ITK: variants seen among roughly 807,000 people sequenced by gnomAD.
The protein encoded by ITK is tyrosine-protein kinase ITK/TSK.
Under a neutral mutation model 87.6 loss-of-function variants are expected in ITK, and 45 were observed. The ratio of observed to expected loss-of-function variants is 0.51; its 90% CI spans 0.40 to 0.66. The LOEUF is 0.66. Among genes scored for constraint, ITK ranks in the 30% least tolerant of loss-of-function variants. The pLI, the probability that ITK is intolerant of heterozygous loss-of-function variation, is 0.00. For synonymous variants in ITK, 303 were observed against 273.6 expected (o/e 1.11, Z -1.06); for missense variants, 605 against 766.3 (o/e 0.79, Z 2.48).
intron 1 of ITK, among the ~76,000 whole-genome samples, chr5:157,182,312 C>A (rs1753549960): frequency 6.6e-6 from 1 of 151,986 alleles, no homozygotes; most frequent in Admixed American, 6.6e-5. Context: ...TTTGGTGTGC[C>A]AGGGTTTAAA....
At chr5:157,250,084 G>C (rs1245703292) in intron 16 of ITK, among the ~76,000 whole-genome samples, 1 of 152,138 alleles carries the variant, frequency 6.6e-6, no homozygotes, top group East Asian at 1.9e-4. Flanking sequence ...ATTAACTAAA[G>C]TTCATAGTTT....
Position 157,253,998 on chromosome 5 carries a change from T to C in ITK, c.*1320T>C, listed in dbSNP as rs1580915072. ...TTTACAAATAATGTAACTGAGGCTT[T>C]AAAAAGCCAAGACATCTGCCCAAAG... On this transcript the variant is annotated 3_prime_UTR_variant, in exon 17 of 17. Transcript: ENST00000422843. 4.4e-6 allele frequency: 1 copy of C among 225,010 alleles called. No individual in the cohort carries two copies. Among genetic ancestry groups the C allele is most frequent in the East Asian group, 6.4e-5 (1 of 15,596 alleles). The allele number at this position is 225,010 out of a possible 1,614,324, so 13.9% of individuals were successfully genotyped here.
intron 7 of ITK, among the ~76,000 whole-genome samples, chr5:157,231,065 G>A (rs1405558170): frequency 7.9e-5 from 12 of 152,154 alleles, no homozygotes; most frequent in African/African-American, 2.2e-4. Flanking sequence ...TCTAGTTTCA[G>A]GTGAGATCTG....
At position 157,211,304 on chromosome 5, in the gene ITK, C is replaced by T. The variant is rs1291733060; in HGVS notation, c.261C>T (p.Tyr87=). Residue 87 remains tyrosine, a synonymous_variant, in exon 3 of 17, where the codon TAC becomes TAT. Coordinates refer to ENST00000422843, the MANE Select transcript of ITK (RefSeq NM_005546.4). ...KYPFQVVHDN[Y]LLYVFAPDRE... is the part of the protein sequence containing the mutation. ...GTCTCCAGGTGGTGCATGACAACTA[C>T]CTCCTATATGTGTTTGCTCCAGATC... 6.2e-7 allele frequency: 1 copy of T among 1,614,056 alleles called. No homozygotes were observed. Among genetic ancestry groups the T allele is most frequent in the Admixed American group, 1.7e-5 (1 of 60,028 alleles).
At chr5:157,244,803 G>T in intron 13 of ITK, 1 of 371,148 alleles carries the variant, frequency 2.7e-6, no homozygotes. Context: ...TTTGTCTGAA[G>T]GTATTATTCA....
At chr5:157,230,906 T>C (rs150969668) in intron 7 of ITK, among the ~76,000 whole-genome samples, 224 of 152,390 alleles carry the variant, frequency 1.5e-3, no homozygotes, top group African/African-American at 5.2e-3. Flanking sequence ...AATCTAGTTA[T>C]ACTGTGCACT....
At chr5:157,236,624 G>GAATCATAATA (rs1279059179) in intron 8 of ITK, among the ~76,000 whole-genome samples, 1 of 152,192 alleles carries the variant, frequency 6.6e-6, no homozygotes, top group African/African-American at 2.4e-5. Context: ...TAAGTTAAGT[G>GAATCATAATA]AATCATAATA....
At chr5:157,235,292 T>C (rs1027600208) in intron 8 of ITK, among the ~76,000 whole-genome samples, 7 of 152,204 alleles carry the variant, frequency 4.6e-5, no homozygotes, top group African/African-American at 1.4e-4. Flanking sequence ...GGGACTTACC[T>C]ACATTTGGGA....
intron 1 of ITK, among the ~76,000 whole-genome samples, chr5:157,203,868 A>AT (rs1467357030): frequency 2.6e-5 from 4 of 152,220 alleles, no homozygotes; most frequent in African/African-American, 9.6e-5. Flanking sequence ...ATTTTCCTTT[A>AT]TATATACCCT....
At chr5:157,186,983 A>G (rs1346035615) in intron 1 of ITK, among the ~76,000 whole-genome samples, 1 of 152,204 alleles carries the variant, frequency 6.6e-6, no homozygotes, top group Non-Finnish European at 1.5e-5. Context: ...AACGATGGAC[A>G]CCAGCAGAAT....
At position 157,247,497 on chromosome 5, in the gene ITK, T is replaced by G. The variant is rs193229629; in HGVS notation, c.1634-1353T>G. 3.2e-4 allele frequency among the ~76,000 whole-genome samples: 49 copies of G among 152,308 alleles called. 1 individual carries two copies. The highest frequency in any genetic ancestry group is 1.2e-3 in the African/African-American group (49 of 41,562). On this transcript the variant is annotated intron_variant, in intron 15 of 16. Coordinates refer to ENST00000422843, the MANE Select transcript of ITK (RefSeq NM_005546.4). ...TGAGACATTTGGAGCAATGGCCACTTTAGCACATTCACCTTCTGACTCTGA... is the reference window on the plus strand; with the variant it reads ...TGAGACATTTGGAGCAATGGCCACTGTAGCACATTCACCTTCTGACTCTGA...
At chr5:157,192,733 T>C (rs1753776678) in intron 1 of ITK, among the ~76,000 whole-genome samples, 1 of 152,228 alleles carries the variant, frequency 6.6e-6, no homozygotes, top group Admixed American at 6.5e-5. Flanking sequence ...CCCAGAACCC[T>C]ATGCCCCTTG....
At chr5:157,194,894 C>G (rs9313491) in intron 1 of ITK, among the ~76,000 whole-genome samples, 55,124 of 151,992 alleles carry the variant, frequency 0.36, 10,202 homozygotes, top group East Asian at 0.4. Context: ...GAAACTGAAG[C>G]CTGGGAGCAC....
intron 13 of ITK, chr5:157,244,774 GT>G (rs1394159271): frequency 2.5e-6 from 1 of 395,808 alleles, no homozygotes; most frequent in Non-Finnish European, 4.8e-6. Flanking sequence ...TTTCCTCCTG[GT>G]AAATTGAGGA....
chr5:157,217,543 C>T (rs1754323601), intron 4 of ITK, among the ~76,000 whole-genome samples: 1 of 152,118 alleles, frequency 6.6e-6, no homozygotes. Context: ...AGTCTCTATG[C>T]CTACAGGGAA....
At chr5:157,211,891 G>A (rs1754198360) in intron 3 of ITK, among the ~76,000 whole-genome samples, 1 of 152,190 alleles carries the variant, frequency 6.6e-6, no homozygotes, top group African/African-American at 2.4e-5. Context: ...CCTGCCTTTG[G>A]AGCTGATGTG....
At chr5:157,192,003 G>A (rs35813759) in intron 1 of ITK, among the ~76,000 whole-genome samples, 35 of 152,242 alleles carry the variant, frequency 2.3e-4, no homozygotes, top group Admixed American at 1.7e-3. Flanking sequence ...CACCAAAAGC[G>A]GCACCATGTT....
At chr5:157,243,885 T>C in intron 12 of ITK, 91 bp downstream of exon 12, 1 of 1,209,872 alleles carries the variant, frequency 8.3e-7, no homozygotes, top group Non-Finnish European at 1.2e-6. Context: ...GGGGGTACTA[T>C]CTCCCTGCGC....
chr5:157,248,707 T>G, intron 15 of ITK, 143 bp from the exon 16 acceptor site: 1 of 915,510 alleles, frequency 1.1e-6, no homozygotes, highest in South Asian at 1.4e-5. Flanking sequence ...ACAGGCCTAA[T>G]AAGCCTCAGG....
Sources: gnomAD v4.1 joint callset for allele counts (sites outside exome capture counted in the v4.1 genomes callset) on GRCh38, gnomAD v4.1.1 for gene constraint, MANE v1.5 for transcripts, NCBI Gene and HGNC (gene_info 2026-07-23, HGNC 2026-07-21) for gene names.